The following PCSK6 variants were observed in gnomAD, a reference collection of about 807,000 sequenced individuals.
PCSK6 encodes the protein paired basic amino acid cleaving enzyme 4.
In PCSK6, 85 loss-of-function variants were observed where a neutral mutation model predicts 123.3. The ratio of observed to expected loss-of-function variants is 0.69; its 90% confidence interval spans 0.58 to 0.83. PCSK6 has a LOEUF of 0.83. Ranked by LOEUF, PCSK6 falls within the 40% of genes least tolerant of loss-of-function variation. The pLI is 0.00. For missense variants in PCSK6, 1,191 were observed against 1,282.3 expected (o/e 0.93, Z 1.09); for synonymous variants, 508 against 516.0 (o/e 0.98, Z 0.21).
chr15:101,315,294 C>T (rs754743384), intron 19 of PCSK6, among the ~76,000 whole-genome samples: 2 of 152,068 alleles, frequency 1.3e-5, no homozygotes, highest in Non-Finnish European at 2.9e-5. Flanking sequence ...TATTTTACCG[C>T]AATAAAAAAG....
chr15:101,394,230 C>T (rs1457666128), intron 7 of PCSK6, among the ~76,000 whole-genome samples: 24 of 151,550 alleles, frequency 1.6e-4, no homozygotes, highest in Admixed American at 1.6e-3. Flanking sequence ...CTGCCTTAGC[C>T]TTCAGAGTAG....
chr15:101,446,316 T>C (rs530687472), intron 1 of PCSK6, among the ~76,000 whole-genome samples: 12 of 152,384 alleles, frequency 7.9e-5, no homozygotes, highest in African/African-American at 2.4e-4. Context: ...TGTTGGACCA[T>C]GTGTCAGAAT....
At chr15:101,362,816 G>C (rs896168086) in intron 13 of PCSK6, among the ~76,000 whole-genome samples, 2 of 152,248 alleles carry the variant, frequency 1.3e-5, no homozygotes, top group African/African-American at 2.4e-5. Context: ...CCCCCAGGTA[G>C]AAGGGCTCCT....
intron 13 of PCSK6, chr15:101,336,779 T>C (rs1483158998): frequency 6.9e-6 from 1 of 144,100 alleles, no homozygotes; most frequent in Non-Finnish European, 1.5e-5. Context: ...ATCTGCAAGA[T>C]ACTCATGACA....
chr15:101,313,090 G>C, intron 20 of PCSK6: 2 of 1,354,262 alleles, frequency 1.5e-6, no homozygotes, highest in Non-Finnish European at 1.9e-6. Flanking sequence ...CATGGGCAGG[G>C]ACGTCCCGCG....
At chr15:101,338,850 C>T (rs2040540450) in intron 13 of PCSK6, among the ~76,000 whole-genome samples, 1 of 152,184 alleles carries the variant, frequency 6.6e-6, no homozygotes, top group Non-Finnish European at 1.5e-5. Context: ...CAATGAAGGC[C>T]AGGGAATGTC....
intron 19 of PCSK6, among the ~76,000 whole-genome samples, chr15:101,316,917 T>TTTTTTTTTG (rs1555444552): frequency 5.8e-5 from 6 of 103,712 alleles, no homozygotes; most frequent in African/African-American, 1.7e-4. Flanking sequence ...TCTGTTTTTT[T>TTTTTTTTTG]TTTTTTTTTT....
chr15:101,324,724 G>T, intron 17 of PCSK6, 126 bp downstream of exon 17: 1 of 780,240 alleles, frequency 1.3e-6, no homozygotes, highest in Non-Finnish European at 2.0e-6. Context: ...CCTGTTCAAA[G>T]TCCTTACTCA....
rs71416209 is a variant in PCSK6, at chr15:101,396,892, G to A, written c.996+1512C>T. ...CTTCTCACATTTAGTGTCTGGGTGAGTACTAAACTCGGAGGGACAGGTGGG... is the reference window on the plus strand; with the variant it reads ...CTTCTCACATTTAGTGTCTGGGTGAATACTAAACTCGGAGGGACAGGTGGG... On this transcript the variant is annotated intron_variant, in intron 7 of 21. Coordinates refer to ENST00000611716, the MANE Select transcript of PCSK6 (RefSeq NM_002570.5). Among the ~76,000 whole-genome samples, 1,157 of 152,236 alleles carry A rather than the reference G, an allele frequency of 7.6e-3. 6 individuals carry two copies. The highest frequency in any genetic ancestry group is 0.014 in the Middle Eastern group (4 of 294).
chr15:101,401,372 T>C (rs2042579030), intron 6 of PCSK6, among the ~76,000 whole-genome samples: 1 of 152,214 alleles, frequency 6.6e-6, no homozygotes, highest in African/African-American at 2.4e-5. Flanking sequence ...TCCACCTGTT[T>C]CCCTTCCTCT....
At chr15:101,452,685 A>C (rs1406815418) in intron 1 of PCSK6, among the ~76,000 whole-genome samples, 1 of 152,232 alleles carries the variant, frequency 6.6e-6, no homozygotes, top group Non-Finnish European at 1.5e-5. Flanking sequence ...TCCAGATGTC[A>C]GTCCAGGCAG....
In PCSK6 at chr15:101,398,089, C is replaced by T. The variant is rs3784467; in HGVS notation, c.996+315G>A. Among the ~76,000 whole-genome samples, 30,407 of 152,174 alleles carry T rather than the reference C, an allele frequency of 0.2. 3,646 individuals are homozygous for T. Among genetic ancestry groups the T allele is most frequent in the East Asian group, 0.41 (2,106 of 5,156 alleles). ...GGCCAGGTGAGCTGCCTTAGACCCCCGTCACCCACCTGTGTACCCCCTTCA... is the reference window on the plus strand; with the variant it reads ...GGCCAGGTGAGCTGCCTTAGACCCCTGTCACCCACCTGTGTACCCCCTTCA... On this transcript the variant is annotated intron_variant, in intron 7 of 21. Transcript: ENST00000611716. This position sits in a 1 kb window ranked among gnomAD's most constrained non-coding sequence, Gnocchi z 4.6.
intron 1 of PCSK6, among the ~76,000 whole-genome samples, chr15:101,482,174 A>C (rs1343117080): frequency 6.6e-6 from 1 of 152,274 alleles, no homozygotes; most frequent in Non-Finnish European, 1.5e-5. Context: ...AAGGTGAGTC[A>C]GAGGGTGTGG....
chr15:101,340,712 C>A (rs972761133), intron 13 of PCSK6, among the ~76,000 whole-genome samples: 1 of 152,020 alleles, frequency 6.6e-6, no homozygotes, highest in Non-Finnish European at 1.5e-5. Flanking sequence ...ACCTAGGAAG[C>A]TGAGAATTCA....
chr15:101,397,885 G>T (rs2042461298), intron 7 of PCSK6, among the ~76,000 whole-genome samples: 1 of 152,228 alleles, frequency 6.6e-6, no homozygotes, highest in South Asian at 2.1e-4. Context: ...CCCTTGTGAG[G>T]TTCCCCTGGA....
At chr15:101,457,850 T>TA (rs1215742038) in intron 1 of PCSK6, among the ~76,000 whole-genome samples, 1 of 152,272 alleles carries the variant, frequency 6.6e-6, no homozygotes, top group African/African-American at 2.4e-5. Context: ...GAGCCTGCGC[T>TA]ATCTGTCCAA....
chr15:101,408,458 G>A (rs1295002987), intron 6 of PCSK6, among the ~76,000 whole-genome samples: 2 of 152,236 alleles, frequency 1.3e-5, no homozygotes, highest in African/African-American at 4.8e-5. Context: ...AGGGCGGCCT[G>A]AGGAGGGCAT....
chr15:101,363,270 C>A (rs1165889634), intron 13 of PCSK6, among the ~76,000 whole-genome samples: 1 of 152,216 alleles, frequency 6.6e-6, no homozygotes, highest in Non-Finnish European at 1.5e-5. Flanking sequence ...TCGTTGTATT[C>A]GGCTCATGAT....
At chr15:101,319,530 G>C (rs777945964) in intron 18 of PCSK6, among the ~76,000 whole-genome samples, 1 of 152,232 alleles carries the variant, frequency 6.6e-6, no homozygotes, top group Non-Finnish European at 1.5e-5. Flanking sequence ...CCTCTAGACA[G>C]GGGCTGGCTG....
Sources: allele counts gnomAD v4.1 joint callset (sites outside exome capture counted in the v4.1 genomes callset), GRCh38; gene constraint gnomAD v4.1.1; non-coding constraint Gnocchi (gnomAD v3.1); transcripts MANE v1.5; gene names NCBI Gene and HGNC (gene_info 2026-07-23, HGNC 2026-07-21).